Variants in MEIS1 observed in about 807,000 individuals in gnomAD.
The protein encoded by MEIS1 is homeobox protein Meis1.
In MEIS1, 5 loss-of-function variants were observed where a neutral mutation model predicts 50.8. The observed-to-expected ratio is 0.10, with a 90% CI of 0.05 to 0.21. The LOEUF (loss-of-function observed/expected upper bound fraction) is 0.21, where lower values mean the gene tolerates loss of function less well. Among genes scored for constraint, MEIS1 ranks in the 10% least tolerant of loss-of-function variants. The pLI is 1.00. For missense variants in MEIS1, 318 were observed against 517.3 expected, an observed-to-expected ratio of 0.61 and a Z score of 3.74; for synonymous variants, 176 against 179.3, an observed-to-expected ratio of 0.98 and a Z score of 0.15.
intron 9 of MEIS1, among the ~76,000 whole-genome samples, chr2:66,549,401 G>A (rs1467462051): frequency 2.0e-5 from 3 of 151,634 alleles, no homozygotes; most frequent in African/African-American, 7.3e-5. Context: ...TGGCTGCTGA[G>A]GTTTTTTGTT....
intron 7 of MEIS1, among the ~76,000 whole-genome samples, chr2:66,478,058 C>A (rs1672935729): frequency 6.6e-6 from 1 of 152,160 alleles, no homozygotes; most frequent in Admixed American, 6.5e-5. Flanking sequence ...AGCTGTCTTT[C>A]AAAGTAGCGT....
At chr2:66,448,724 A>G (rs1027252618) in intron 6 of MEIS1, among the ~76,000 whole-genome samples, 28 of 152,194 alleles carry the variant, frequency 1.8e-4, no homozygotes, top group African/African-American at 6.5e-4. Context: ...CCAAGTATGT[A>G]TACAAAAACT....
At chr2:66,456,191 T>C (rs949120045) in intron 6 of MEIS1, among the ~76,000 whole-genome samples, 10 of 151,692 alleles carry the variant, frequency 6.6e-5, no homozygotes, top group African/African-American at 2.4e-4. Flanking sequence ...AGATGCTATG[T>C]CTACCTATAC....
At chr2:66,541,785 A>G (rs1038849200) in intron 8 of MEIS1, among the ~76,000 whole-genome samples, 1 of 152,220 alleles carries the variant, frequency 6.6e-6, no homozygotes, top group Non-Finnish European at 1.5e-5. Context: ...TGATTCCAGC[A>G]TGTGCGAGGA....
At chr2:66,530,206 AAAAGG>A (rs1228767089) in intron 8 of MEIS1, among the ~76,000 whole-genome samples, 1 of 151,952 alleles carries the variant, frequency 6.6e-6, no homozygotes, top group Non-Finnish European at 1.5e-5. Context: ...CAAAAAAAAA[AAAAGG>A]AAAGAAGAAA....
chr2:66,446,541 A>G (rs1672151933), intron 6 of MEIS1, among the ~76,000 whole-genome samples: 1 of 152,148 alleles, frequency 6.6e-6, no homozygotes, highest in South Asian at 2.1e-4. Context: ...CGGGAGGCAG[A>G]GAAATGGTCC....
chr2:66,512,856 A>C (rs898094974), intron 8 of MEIS1, among the ~76,000 whole-genome samples: 10 of 152,218 alleles, frequency 6.6e-5, no homozygotes, highest in Non-Finnish European at 1.0e-4. Context: ...AAACAGCAAT[A>C]TAGAGTCAGC....
chr2:66,467,971 C>G (rs529549608), intron 7 of MEIS1, among the ~76,000 whole-genome samples: 2 of 152,310 alleles, frequency 1.3e-5, no homozygotes, highest in African/African-American at 4.8e-5. Context: ...CAGATTGAAT[C>G]CTTATTTTAT....
intron 8 of MEIS1, among the ~76,000 whole-genome samples, chr2:66,534,128 G>A (rs1257157748): frequency 6.6e-6 from 1 of 152,114 alleles, no homozygotes; most frequent in East Asian, 1.9e-4. Flanking sequence ...TTTTACCAAT[G>A]AGGAAGCAAG....
intron 7 of MEIS1, among the ~76,000 whole-genome samples, chr2:66,464,874 T>TA (rs1281386932): frequency 6.6e-6 from 1 of 152,242 alleles, no homozygotes; most frequent in Non-Finnish European, 1.5e-5. Flanking sequence ...AAATAAAGTT[T>TA]AAACATCAAG....
chr2:66,499,373 T>TC (rs1437156439), intron 7 of MEIS1, among the ~76,000 whole-genome samples: 1 of 151,624 alleles, frequency 6.6e-6, no homozygotes, highest in African/African-American at 2.4e-5. Flanking sequence ...TCTCTTTTTT[T>TC]CCCCCTGACC....
chr2:66,557,924 C>G (rs534977751), intron 9 of MEIS1, among the ~76,000 whole-genome samples: 1 of 152,262 alleles, frequency 6.6e-6, no homozygotes, highest in African/African-American at 2.4e-5. Context: ...CTACACACTG[C>G]TCTCACTTTC....
chr2:66,558,799 A>C (rs1005878525), intron 9 of MEIS1, among the ~76,000 whole-genome samples: 2 of 152,146 alleles, frequency 1.3e-5, no homozygotes, highest in African/African-American at 4.8e-5. Flanking sequence ...AAGATCCTAG[A>C]GAAAGGAAGG....
At chr2:66,440,049 ACGCGCGCG>A in intron 3 of MEIS1, 65 bp downstream of exon 3, 2 of 1,078,528 alleles carry the variant, frequency 1.9e-6, no homozygotes, top group Admixed American at 2.8e-5. Flanking sequence ...GCCAACACAC[ACGCGCGCG>A]CGCGCGCGCG....
At position 66,552,525 on chromosome 2, in the gene MEIS1, T is replaced by C. The variant is rs139479705; in HGVS notation, c.965+4506T>C. On this transcript the variant is annotated intron_variant, in intron 9 of 12. Coordinates refer to ENST00000272369, the MANE Select transcript of MEIS1 (RefSeq NM_002398.3). ...ATGACACTGTTCAGAACTATGGTAC[T>C]CTACATTTCTTAGATTTAGTGCTCA... Among the ~76,000 whole-genome samples the C allele has an allele frequency of 2.3e-4, 35 of 152,334 alleles. 1 individual carries two copies. The highest frequency in any genetic ancestry group is 7.9e-4 in the African/African-American group (33 of 41,592).
At chr2:66,438,902 A>T (rs967554572) in intron 2 of MEIS1, among the ~76,000 whole-genome samples, 36 of 152,004 alleles carry the variant, frequency 2.4e-4, no homozygotes, top group African/African-American at 7.7e-4. Context: ...TTTAATTCCC[A>T]CCGTTCTGTC....
At position 66,439,867 on chromosome 2, in the gene MEIS1, A is replaced by T. The variant is rs1170125894; in HGVS notation, c.264A>T (p.Ala88=). 2 of 1,613,494 alleles carry T rather than the reference A, an allele frequency of 1.2e-6. No individual in the cohort carries two copies. ...IYGHPLFPLL[A]LIFEKCELAT... ...GACACCCCCTCTTCCCTCTCTTAGCACTGATTTTTGAGAAATGTGAATTAG... is the reference window on the plus strand; with the variant it reads ...GACACCCCCTCTTCCCTCTCTTAGCTCTGATTTTTGAGAAATGTGAATTAG... The change falls in exon 3 of 13, where the codon GCA becomes GCT. Residue 88 remains alanine, a synonymous_variant. Coordinates refer to ENST00000272369, the MANE Select transcript of MEIS1 (RefSeq NM_002398.3).
At chr2:66,462,192 C>T (rs1672535799) in intron 6 of MEIS1, among the ~76,000 whole-genome samples, 1 of 152,172 alleles carries the variant, frequency 6.6e-6, no homozygotes, top group South Asian at 2.1e-4. Context: ...TAGTCTTAAT[C>T]AGATTAACAA....
intron 8 of MEIS1, among the ~76,000 whole-genome samples, chr2:66,534,362 C>T (rs1313059880): frequency 1.2e-4 from 19 of 152,038 alleles, no homozygotes; most frequent in Non-Finnish European, 5.9e-5. Flanking sequence ...GGTGAAACCC[C>T]GTCTCTACTC....
Sources: gnomAD v4.1 joint callset for allele counts (sites outside exome capture counted in the v4.1 genomes callset) on GRCh38, gnomAD v4.1.1 for gene constraint, MANE v1.5 for transcripts, NCBI Gene and HGNC (gene_info 2026-07-23, HGNC 2026-07-21) for gene names.